KCNJ6: variants seen among roughly 807,000 people sequenced by gnomAD.
The protein encoded by KCNJ6 is G protein-activated inward rectifier potassium channel 2.
A neutral mutation model predicts 34.2 loss-of-function variants in KCNJ6; 9 were observed. That is an observed-to-expected ratio of 0.26 (90% confidence interval 0.16 to 0.46). The LOEUF is 0.46. KCNJ6 is among the 20% of genes least tolerant of loss of function. The pLI is 1.00. For missense variants in KCNJ6, 236 were observed against 531.3 expected (o/e 0.44, Z 5.46); for synonymous variants, 196 against 207.1 (o/e 0.95, Z 0.46).
At chr21:37,842,646 T>G (rs189695884) in intron 1 of KCNJ6, among the ~76,000 whole-genome samples, 1 of 152,340 alleles carries the variant, frequency 6.6e-6, no homozygotes, top group Admixed American at 6.5e-5. Flanking sequence ...TATGTCAACA[T>G]GCAGAGAAAC....
chr21:37,742,927 C>T (rs2054948379), intron 2 of KCNJ6, among the ~76,000 whole-genome samples: 1 of 152,208 alleles, frequency 6.6e-6, no homozygotes, highest in Non-Finnish European at 1.5e-5. Flanking sequence ...AAGGACTGTG[C>T]TCCTTCCTGC....
chr21:37,729,343 G>A (rs1315516620), intron 2 of KCNJ6, among the ~76,000 whole-genome samples: 1 of 151,818 alleles, frequency 6.6e-6, no homozygotes, highest in East Asian at 1.9e-4. Context: ...TTGGGGGGGG[G>A]GGCAGGGTCT....
intron 2 of KCNJ6, among the ~76,000 whole-genome samples, chr21:37,735,450 A>G (rs549886460): frequency 4.7e-4 from 72 of 152,204 alleles, no homozygotes; most frequent in Non-Finnish European, 8.4e-4. Context: ...GAAGCCCCCA[A>G]ACCTCAGCAC....
intron 2 of KCNJ6, among the ~76,000 whole-genome samples, chr21:37,717,676 G>T (rs192242897): frequency 6.6e-6 from 1 of 152,352 alleles, no homozygotes; most frequent in East Asian, 1.9e-4. Flanking sequence ...GACCTTGTCT[G>T]CAGAGCCCTG....
chr21:37,838,568 G>T (rs1167325673), intron 2 of KCNJ6, among the ~76,000 whole-genome samples: 1 of 152,196 alleles, frequency 6.6e-6, no homozygotes, highest in Non-Finnish European at 1.5e-5. Flanking sequence ...GGCGAATTTG[G>T]ACTTAAAGAT....
At chr21:37,914,041 G>GTGTGTGTGTGTT (rs2055881179) in intron 1 of KCNJ6, among the ~76,000 whole-genome samples, 1 of 151,374 alleles carries the variant, frequency 6.6e-6, no homozygotes, top group African/African-American at 2.4e-5. Context: ...GTGTGTGTGT[G>GTGTGTGTGTGTT]TGTGTGTGTC....
chr21:37,772,006 T>G (rs1033886797), intron 2 of KCNJ6, among the ~76,000 whole-genome samples: 1 of 152,138 alleles, frequency 6.6e-6, no homozygotes, highest in South Asian at 2.1e-4. Flanking sequence ...AACATGAAAA[T>G]TGCATGAAAT....
At chr21:37,674,256 G>A (rs548163821) in intron 3 of KCNJ6, among the ~76,000 whole-genome samples, 2 of 152,256 alleles carry the variant, frequency 1.3e-5, no homozygotes, top group Admixed American at 1.3e-4. Context: ...ATCTCTGTTT[G>A]CCTGGGACTT....
rs572641786 is a variant in KCNJ6, at chr21:37,727,614, G to A, written c.26-12483C>T. On this transcript the variant is annotated intron_variant, in intron 2 of 3. Coordinates refer to ENST00000609713, the MANE Select transcript of KCNJ6 (RefSeq NM_002240.5). The stretch of plus-strand genomic sequence containing the variant: ...AAGGAAGAGGGAGAGCCGGTTATAA[G>A]GAAGAGGGATAGTCGGGTGTTTGAT... Among the ~76,000 whole-genome samples the A allele has an allele frequency of 9.2e-5, 14 of 152,286 alleles. No individual in the cohort carries two copies. In the Middle Eastern group the frequency reaches 0.01, roughly 111 times the overall value.
At chr21:37,865,743 G>T (rs1217385532) in intron 1 of KCNJ6, among the ~76,000 whole-genome samples, 3 of 152,156 alleles carry the variant, frequency 2.0e-5, no homozygotes, top group Non-Finnish European at 4.4e-5. Context: ...TTATAATTTG[G>T]TGACTGGGGA....
rs190228139 is a variant in KCNJ6, at chr21:37,646,044, C to T, written c.947-20560G>A. 3.9e-4 allele frequency among the ~76,000 whole-genome samples: 59 copies of T among 152,278 alleles called. 1 individual carries two copies. Among genetic ancestry groups the T allele is most frequent in the Admixed American group, 1.2e-3 (19 of 15,300 alleles). ...TTGGTTTATAGAATGTGAGACAAGC[C>T]TTCTGAATTCGTACATCCTCGTAAA... On this transcript the variant is annotated intron_variant, in intron 3 of 3. Coordinates refer to ENST00000609713, the MANE Select transcript of KCNJ6 (RefSeq NM_002240.5).
At chr21:37,770,070 A>G (rs555964042) in intron 2 of KCNJ6, among the ~76,000 whole-genome samples, 16 of 152,208 alleles carry the variant, frequency 1.1e-4, no homozygotes, top group South Asian at 2.1e-4. Flanking sequence ...GTGGATAAAA[A>G]CAGAGACATT....
At chr21:37,676,292 T>A (rs895019775) in intron 3 of KCNJ6, among the ~76,000 whole-genome samples, 2 of 152,160 alleles carry the variant, frequency 1.3e-5, no homozygotes, top group African/African-American at 4.8e-5. Context: ...CAGGTGTGAG[T>A]CCCGTGACCT....
In KCNJ6 at chr21:37,614,012, ATG is replaced by A. The variant is rs1400021991; in HGVS notation, c.*11145_*11146del. The A allele has an allele frequency of 2.6e-5, 4 of 152,194 alleles. No individual in the cohort carries two copies. Among genetic ancestry groups the A allele is most frequent in the African/African-American group, 9.7e-5 (4 of 41,430 alleles). 9.4% of individuals were successfully genotyped at this position (152,194 alleles called of 1,614,324 possible). ...CCATGCATGCGGGGGCCGGGGGTAA[ATG>A]AGAGCTCTTGGTAATTTCTGCTCTA... On this transcript the variant is annotated 3_prime_UTR_variant, in exon 4 of 4. Coordinates refer to ENST00000609713, the MANE Select transcript of KCNJ6 (RefSeq NM_002240.5).
At chr21:37,683,725 G>C (rs531406362) in intron 3 of KCNJ6, among the ~76,000 whole-genome samples, 3 of 152,308 alleles carry the variant, frequency 2.0e-5, no homozygotes, top group African/African-American at 7.2e-5. Flanking sequence ...ACAGAGTTCC[G>C]GTGTGGGGAG....
chr21:37,666,716 GA>G (rs1330168360), intron 3 of KCNJ6, among the ~76,000 whole-genome samples: 3 of 151,952 alleles, frequency 2.0e-5, no homozygotes, highest in Admixed American at 2.0e-4. Flanking sequence ...AAAGAAAGGG[GA>G]AATGTGGGGA....
chr21:37,749,474 C>A (rs2054983838), intron 2 of KCNJ6, among the ~76,000 whole-genome samples: 1 of 152,180 alleles, frequency 6.6e-6, no homozygotes, highest in African/African-American at 2.4e-5. Flanking sequence ...GGATTTGTCA[C>A]TAGATGGTGT....
intron 2 of KCNJ6, among the ~76,000 whole-genome samples, chr21:37,763,407 T>A (rs1437055991): frequency 6.6e-6 from 1 of 152,196 alleles, no homozygotes; most frequent in Non-Finnish European, 1.5e-5. Flanking sequence ...TACTTCCTGC[T>A]CCTGATCCTA....
At position 37,695,861 on chromosome 21, in the gene KCNJ6, G is replaced by C. The variant is rs999020884; in HGVS notation, c.946+18350C>G. Among the ~76,000 whole-genome samples, 2 of 152,188 alleles carry C rather than the reference G, an allele frequency of 1.3e-5. No individual in the cohort carries two copies. Among genetic ancestry groups the C allele is most frequent in the African/African-American group, 4.8e-5 (2 of 41,436 alleles). On this transcript the variant is annotated intron_variant, in intron 3 of 3. Coordinates refer to ENST00000609713, the MANE Select transcript of KCNJ6 (RefSeq NM_002240.5). This position sits in a 1 kb window ranked among gnomAD's most constrained non-coding sequence, Gnocchi z 4.2. ...CTGGAGCTGAAAAAGTCCAAGGTGA[G>C]CCTGTAACATCTTTTTGTGCCAGAA...
Sources: gnomAD v4.1 joint callset for allele counts (sites outside exome capture counted in the v4.1 genomes callset) on GRCh38, gnomAD v4.1.1 for gene constraint, Gnocchi (gnomAD v3.1) non-coding constraint, MANE v1.5 for transcripts, NCBI Gene and HGNC (gene_info 2026-07-23, HGNC 2026-07-21) for gene names.